DPYD: variants seen among roughly 807,000 people sequenced by gnomAD.
The protein encoded by DPYD is dihydropyrimidine dehydrogenase [NADP(+)].
A neutral mutation model predicts 116.2 loss-of-function variants in DPYD; 109 were observed. The observed-to-expected ratio is 0.94, with a 90% confidence interval of 0.80 to 1.10. The LOEUF (loss-of-function observed/expected upper bound fraction) is 1.10, where lower values mean the gene tolerates loss of function less well. DPYD is among the 50% of genes least tolerant of loss of function. DPYD has a pLI of 0.00. For missense variants in DPYD, 1,302 were observed against 1,254.5 expected, an observed-to-expected ratio of 1.04 and a Z score of -0.57; for synonymous variants, 440 against 432.0, an observed-to-expected ratio of 1.02 and a Z score of -0.23.
chr1:97,589,006 A>C (rs1421682722), intron 10 of DPYD, among the ~76,000 whole-genome samples: 2 of 152,166 alleles, frequency 1.3e-5, no homozygotes, highest in African/African-American at 4.8e-5. Context: ...ACTTGTTAAA[A>C]ATGCAAATTC....
At chr1:97,787,723 A>G (rs1436178700) in intron 3 of DPYD, among the ~76,000 whole-genome samples, 1 of 152,258 alleles carries the variant, frequency 6.6e-6, no homozygotes, top group African/African-American at 2.4e-5. Context: ...ATAATAGAGC[A>G]CTTTTGAAAA....
chr1:97,749,842 C>G (rs564411363), intron 3 of DPYD, among the ~76,000 whole-genome samples: 1 of 152,094 alleles, frequency 6.6e-6, no homozygotes, highest in Admixed American at 6.6e-5. Context: ...ACTTTTGATC[C>G]TTCACAGACC....
At chr1:97,544,980 A>G (rs560800578) in intron 12 of DPYD, among the ~76,000 whole-genome samples, 94 of 152,276 alleles carry the variant, frequency 6.2e-4, no homozygotes, top group African/African-American at 2.1e-3. Flanking sequence ...CATTTCTTAA[A>G]GGAGCTAGCA....
chr1:97,829,314 C>A (rs754055304), intron 2 of DPYD, among the ~76,000 whole-genome samples: 23 of 151,720 alleles, frequency 1.5e-4, no homozygotes, highest in Non-Finnish European at 2.2e-4. Context: ...CTATTTTTAA[C>A]CTTGATATTT....
chr1:97,862,006 T>A (rs1037241819), intron 2 of DPYD, among the ~76,000 whole-genome samples: 1 of 151,918 alleles, frequency 6.6e-6, no homozygotes, highest in Non-Finnish European at 1.5e-5. Context: ...ATGAAAATAT[T>A]CATGAATAGA....
At chr1:97,771,372 G>A (rs1024719285) in intron 3 of DPYD, among the ~76,000 whole-genome samples, 1 of 152,148 alleles carries the variant, frequency 6.6e-6, no homozygotes, top group Non-Finnish European at 1.5e-5. Context: ...CACATTTCTA[G>A]TAAAAAATAC....
At chr1:97,266,280 A>C (rs1199299240) in intron 18 of DPYD, among the ~76,000 whole-genome samples, 1 of 152,174 alleles carries the variant, frequency 6.6e-6, no homozygotes, top group Non-Finnish European at 1.5e-5. Flanking sequence ...GAGAATACTA[A>C]CTAGAGAATG....
At chr1:97,672,844 A>AT (rs1659942374) in intron 8 of DPYD, among the ~76,000 whole-genome samples, 1 of 152,156 alleles carries the variant, frequency 6.6e-6, no homozygotes, top group Non-Finnish European at 1.5e-5. Context: ...CTCTCGATGG[A>AT]TTTTTTAAAT....
intron 14 of DPYD, among the ~76,000 whole-genome samples, chr1:97,396,289 A>G (rs1432203827): frequency 6.6e-6 from 1 of 152,010 alleles, no homozygotes; most frequent in Non-Finnish European, 1.5e-5. Context: ...GGCTAATAAG[A>G]GTAGATACAA....
chr1:97,520,156 A>G (rs1023160064), intron 12 of DPYD, among the ~76,000 whole-genome samples: 8 of 152,154 alleles, frequency 5.3e-5, no homozygotes, highest in Non-Finnish European at 1.2e-4. Flanking sequence ...TTACTTATTC[A>G]GCAGGTATTT....
At chr1:97,505,219 T>C (rs559204685) in intron 13 of DPYD, among the ~76,000 whole-genome samples, 2 of 152,160 alleles carry the variant, frequency 1.3e-5, no homozygotes, top group South Asian at 4.1e-4. Context: ...CTCTTCCAAA[T>C]TGAATTATGT....
intron 13 of DPYD, among the ~76,000 whole-genome samples, chr1:97,481,623 C>G (rs952856): frequency 0.81 from 123,279 of 152,112 alleles, 50,381 homozygotes; most frequent in Non-Finnish European, 0.87. Context: ...AATACCAAAG[C>G]GTTTTCCTTT....
chr1:97,558,163 T>C (rs2102122923), intron 11 of DPYD, among the ~76,000 whole-genome samples: 1 of 152,300 alleles, frequency 6.6e-6, no homozygotes. Flanking sequence ...ATGAAACCTT[T>C]TTCCCCCCCT....
chr1:97,101,953 T>A (rs1324168299), intron 20 of DPYD, among the ~76,000 whole-genome samples: 2 of 151,960 alleles, frequency 1.3e-5, no homozygotes, highest in African/African-American at 4.8e-5. Flanking sequence ...AAGATAACAG[T>A]ATCTTACACT....
At position 97,233,937 on chromosome 1, in the gene DPYD, T is replaced by C. The variant is rs968125247; in HGVS notation, c.2442+915A>G. Among the ~76,000 whole-genome samples, 9 of 152,346 alleles carry C rather than the reference T, an allele frequency of 5.9e-5. No individual in the cohort carries two copies. In the South Asian group the frequency reaches 1.0e-3, roughly 18 times the overall value. On this transcript the variant is annotated intron_variant, in intron 19 of 22. Coordinates refer to ENST00000370192, the MANE Select transcript of DPYD (RefSeq NM_000110.4). ...TTTCTAATACATATTATTTCCACCA[T>C]AGATTGTAGGTATTTCATAGAACAA...
chr1:97,489,063 G>A (rs1031980108), intron 13 of DPYD, among the ~76,000 whole-genome samples: 1 of 152,120 alleles, frequency 6.6e-6, no homozygotes, highest in African/African-American at 2.4e-5. Context: ...CCCAATTTGG[G>A]GGCTTGCCTG....
At chr1:97,213,451 C>T (rs1660178760) in intron 19 of DPYD, among the ~76,000 whole-genome samples, 1 of 152,068 alleles carries the variant, frequency 6.6e-6, no homozygotes, top group Non-Finnish European at 1.5e-5. Flanking sequence ...TCTTAATGAT[C>T]GCTTCCTTAC....
chr1:97,367,309 C>T (rs1425312997), intron 16 of DPYD, among the ~76,000 whole-genome samples: 2 of 150,512 alleles, frequency 1.3e-5, no homozygotes, highest in African/African-American at 2.4e-5. Context: ...CAGTTTTATG[C>T]AAATTAAGTT....
At chr1:97,750,859 A>G (rs1664840127) in intron 3 of DPYD, among the ~76,000 whole-genome samples, 1 of 152,104 alleles carries the variant, frequency 6.6e-6, no homozygotes, top group South Asian at 2.1e-4. Context: ...GTATGTGCAA[A>G]TTTTGGTATA....
Sources: gnomAD v4.1 joint callset for allele counts (sites outside exome capture counted in the v4.1 genomes callset) on GRCh38, gnomAD v4.1.1 for gene constraint, MANE v1.5 for transcripts, NCBI Gene and HGNC (gene_info 2026-07-23, HGNC 2026-07-21) for gene names.